ARNT: variants seen among roughly 807,000 people sequenced by gnomAD.
ARNT encodes aryl hydrocarbon receptor nuclear translocator.
ARNT carries 30 observed loss-of-function variants against 105.0 expected under a neutral mutation model. That is an observed-to-expected ratio of 0.29 (90% CI 0.21 to 0.39). The LOEUF (loss-of-function observed/expected upper bound fraction) is 0.39. ARNT is among the 10% of genes least tolerant of loss of function. The probability of loss-of-function intolerance (pLI) is 1.00; values close to 1 mark genes in which losing one functional copy is unlikely to be tolerated. For synonymous variants in ARNT, 304 were observed against 344.0 expected, an observed-to-expected ratio of 0.88 and a Z score of 1.29; for missense variants, 748 against 978.7, an observed-to-expected ratio of 0.76 and a Z score of 3.15.
intron 1 of ARNT, among the ~76,000 whole-genome samples, chr1:150,874,561 C>G (rs941637139): frequency 3.3e-5 from 5 of 152,106 alleles, no homozygotes; most frequent in African/African-American, 9.7e-5. Context: ...TGGCAAGGCA[C>G]CTGTAGTCCC....
At chr1:150,850,363 G>A (rs906699370) in intron 3 of ARNT, among the ~76,000 whole-genome samples, 5 of 152,124 alleles carry the variant, frequency 3.3e-5, no homozygotes, top group African/African-American at 1.2e-4. Context: ...TGCCATCTCC[G>A]CTCACTGCAA....
Position 150,831,873 on chromosome 1 carries a change from T to C in ARNT, c.900A>G (p.Glu300=). ...TGCAGTGGACCACCACGAAGTGAGGTTCCCCATCCTTTACAGAGCCAAGTC... is the reference window on the plus strand; with the variant it reads ...TGCAGTGGACCACCACGAAGTGAGGCTCCCCATCCTTTACAGAGCCAAGTC... ...RNGLGSVKDG[E]PHFVVVHCTG... Residue 300 remains glutamate (E), a synonymous_variant, in exon 10 of 22, where the codon GAA becomes GAG. Coordinates refer to ENST00000358595, the MANE Select transcript of ARNT (RefSeq NM_001668.4). 1.9e-6 allele frequency: 3 copies of C among 1,594,780 alleles called. No homozygotes were observed. In the African/African-American group the frequency reaches 4.1e-5, roughly 22 times the overall value.
At chr1:150,821,825 TTTC>T (rs1242861333) in intron 14 of ARNT, among the ~76,000 whole-genome samples, 26 of 126,436 alleles carry the variant, frequency 2.1e-4, no homozygotes, top group African/African-American at 7.0e-4. Flanking sequence ...ATTTTTGTAT[TTTC>T]TTTTTTTTTT....
In ARNT at chr1:150,833,399, T is replaced by C. The variant is rs1367752325; in HGVS notation, c.804-1000A>G. The stretch of plus-strand genomic sequence containing the variant: ...TCCAGCTACTCAGGAAACTGAGGCA[T>C]GAGAATCGCTTGAACCCAGGAGGTA... On this transcript the variant is annotated intron_variant, in intron 8 of 21. Coordinates refer to ENST00000358595, the MANE Select transcript of ARNT (RefSeq NM_001668.4). 2.0e-5 allele frequency among the ~76,000 whole-genome samples: 3 copies of C among 152,136 alleles called. No individual in the cohort carries two copies. In the East Asian group the frequency reaches 5.8e-4, roughly 29 times the overall value.
Position 150,832,366 on chromosome 1 carries a change from C to T in ARNT, c.837G>A (p.Val279=). ...TGTTCCTCACAAAGCTCAGCCTATT[C>T]ACAGAAACTGGGTCCACAGAGCTAC... ...CGSSSVDPVS[V]NRLSFVRNRC... The change falls in exon 9 of 22, where the codon GTG becomes GTA. Residue 279 remains valine, a synonymous_variant. Transcript: ENST00000358595. 1 of 1,614,114 alleles carries T rather than the reference C, an allele frequency of 6.2e-7. No individual in the cohort carries two copies. Among genetic ancestry groups the T allele is most frequent in the South Asian group, 1.1e-5 (1 of 91,080 alleles).
At chr1:150,843,655 T>C (rs1019175899) in intron 4 of ARNT, among the ~76,000 whole-genome samples, 9 of 152,096 alleles carry the variant, frequency 5.9e-5, no homozygotes, top group Non-Finnish European at 1.3e-4. Flanking sequence ...ACAAACTTCT[T>C]TTTTTTCAAA....
rs1450241811 is a variant in ARNT at position 150,866,041 on chromosome 1, G to A, written c.26-7581C>T. On this transcript the variant is annotated intron_variant, in intron 1 of 21. Transcript: ENST00000358595. ...TCTTTTGCCCAGGCTGGTGTGCAGT[G>A]GCGTGATCTCGGCTCACTGCAACCT... Among the ~76,000 whole-genome samples, 69 of 149,846 alleles carry A rather than the reference G, an allele frequency of 4.6e-4. 1 individual carries two copies. The highest frequency in any genetic ancestry group is 1.0e-4 in the Non-Finnish European group (7 of 67,788).
Position 150,813,644 on chromosome 1 carries a change from T to TA in ARNT, c.2114-307_2114-306insT, listed in dbSNP as rs1453658360. On this transcript the variant is annotated intron_variant, in intron 20 of 21. Coordinates refer to ENST00000358595, the MANE Select transcript of ARNT (RefSeq NM_001668.4). ...TTTTTCATGTGGGTAGTTTTTTTTTTTTATTTTTTATTTTTTTGAGACGGA... is the reference window on the plus strand; with the variant it reads ...TTTTTCATGTGGGTAGTTTTTTTTTTATTATTTTTTATTTTTTTGAGACGGA... Among the ~76,000 whole-genome samples the TA allele has an allele frequency of 1.4e-4, 21 of 152,196 alleles. No homozygotes were observed. The East Asian group carries it at 4.1e-3, about 29-fold the overall frequency.
intron 1 of ARNT, among the ~76,000 whole-genome samples, chr1:150,867,233 A>C (rs1056545269): frequency 2.0e-5 from 3 of 149,206 alleles, no homozygotes; most frequent in African/African-American, 2.5e-5. Flanking sequence ...AAAAAAAAAC[A>C]GATTACTCAA....
rs149487442 is a variant in ARNT at position 150,835,577 on chromosome 1, G to C, written c.700+703C>G. Among the ~76,000 whole-genome samples the C allele has an allele frequency of 1.9e-3, 284 of 152,268 alleles. 1 individual carries two copies. Among genetic ancestry groups the C allele is most frequent in the Non-Finnish European group, 3.0e-3 (204 of 68,032 alleles). ...TGATGTGCCACCGTACTCCAGCCTA[G>C]GCAAGAGAGAGACCCTGTCTCTTTT... On this transcript the variant is annotated intron_variant, in intron 7 of 21. Coordinates refer to ENST00000358595, the MANE Select transcript of ARNT (RefSeq NM_001668.4).
At position 150,814,294 on chromosome 1, in the gene ARNT, C is replaced by T. The variant is rs189826916; in HGVS notation, c.1951-55G>A. On this transcript the variant is annotated intron_variant, in intron 19 of 21. Transcript: ENST00000358595. Reference sequence around the variant, plus strand: ...CAAATACAGCATTAACATCATTGCACATACCATGCCTATGAGAGTCAACAC... The same window carrying T: ...CAAATACAGCATTAACATCATTGCATATACCATGCCTATGAGAGTCAACAC... The T allele has an allele frequency of 1.9e-6, 3 of 1,548,728 alleles. No homozygotes were observed. The African/African-American group carries it at 4.1e-5, about 21-fold the overall frequency.
At position 150,829,893 on chromosome 1, in the gene ARNT, T is replaced by C; in HGVS notation, c.1032+11A>G. 6.2e-7 allele frequency: 1 copy of C among 1,614,052 alleles called. No individual in the cohort carries two copies. Among genetic ancestry groups the C allele is most frequent in the Non-Finnish European group, 8.5e-7 (1 of 1,179,922 alleles). On this transcript the variant is annotated intron_variant, in intron 11 of 21. Transcript: ENST00000358595. The stretch of plus-strand genomic sequence containing the variant: ...TGAACGGGAATATAGATGTGGAAAA[T>C]TCATACTTGCCTGCAATCTGCCAAT...
chr1:150,832,471 A>C, intron 8 of ARNT, 72 bp from the exon 9 acceptor site: 1 of 1,379,412 alleles, frequency 7.2e-7, no homozygotes, highest in Non-Finnish European at 1.0e-6. Flanking sequence ...GTAATAGCAG[A>C]ATAACATGCT....
rs932272896 is a variant in ARNT, at chr1:150,810,744, C to T, written c.*1277G>A. 1 of 222,066 alleles carries T rather than the reference C, an allele frequency of 4.5e-6. No homozygotes were observed. Among genetic ancestry groups the T allele is most frequent in the African/African-American group, 2.2e-5 (1 of 44,642 alleles). The allele number at this position is 222,066 out of a possible 1,614,324, so 13.8% of individuals were successfully genotyped here. On this transcript the variant is annotated 3_prime_UTR_variant, in exon 22 of 22. Coordinates refer to ENST00000358595, the MANE Select transcript of ARNT (RefSeq NM_001668.4). ...TGGCTATTGTTAATTACCAAGTGAC[C>T]CTGTTGAGATGGGTGTCCAGGCCCC...
intron 1 of ARNT, among the ~76,000 whole-genome samples, chr1:150,862,770 A>G (rs1665875806): frequency 6.6e-6 from 1 of 151,146 alleles, no homozygotes; most frequent in Non-Finnish European, 1.5e-5. Context: ...TATATAGGAT[A>G]TAAGAGTACC....
intron 1 of ARNT, among the ~76,000 whole-genome samples, chr1:150,862,128 T>C (rs1665753311): frequency 1.3e-5 from 2 of 152,188 alleles, no homozygotes; most frequent in South Asian, 4.1e-4. Context: ...CACACGTAGA[T>C]CATTCTTTTT....
chr1:150,817,481 T>C (rs1340167779), intron 15 of ARNT, 48 bp from the exon 16 acceptor site: 1 of 1,590,126 alleles, frequency 6.3e-7, no homozygotes. Context: ...AAAAAATTTT[T>C]TTTAAAAAAG....
intron 1 of ARNT, among the ~76,000 whole-genome samples, chr1:150,863,712 G>A (rs1251861547): frequency 1.3e-5 from 2 of 151,758 alleles, no homozygotes; most frequent in Non-Finnish European, 2.9e-5. Flanking sequence ...AGCTACTCAG[G>A]AGGCTGAGAT....
intron 1 of ARNT, among the ~76,000 whole-genome samples, chr1:150,874,018 TAAAAAA>T (rs58707975): frequency 3.6e-4 from 23 of 64,422 alleles, no homozygotes; most frequent in Admixed American, 1.1e-3. Context: ...ACAAGAATTG[TAAAAAA>T]AAAAAAAAAA....
Sources: allele counts gnomAD v4.1 joint callset (sites outside exome capture counted in the v4.1 genomes callset), GRCh38; gene constraint gnomAD v4.1.1; transcripts MANE v1.5; gene names NCBI Gene and HGNC (gene_info 2026-07-23, HGNC 2026-07-21).